The following PHACTR2 variants were observed in gnomAD, a reference collection of about 807,000 sequenced individuals.
PHACTR2 encodes chromosome 6 open reading frame 56.
PHACTR2 carries 30 observed loss-of-function variants against 76.0 expected under a neutral mutation model. That is an observed-to-expected ratio of 0.39 (90% CI 0.30 to 0.54). The LOEUF (loss-of-function observed/expected upper bound fraction) is 0.54. Ranked by LOEUF, PHACTR2 falls within the 20% of genes least tolerant of loss-of-function variation. The pLI is 0.61. For synonymous variants in PHACTR2, 292 were observed against 292.5 expected, an observed-to-expected ratio of 1.00 and a Z score of 0.02; for missense variants, 696 against 781.1, an observed-to-expected ratio of 0.89 and a Z score of 1.30.
intron 1 of PHACTR2, among the ~76,000 whole-genome samples, chr6:143,651,612 C>T (rs940899363): frequency 2.6e-5 from 4 of 152,126 alleles, no homozygotes; most frequent in African/African-American, 9.6e-5. Context: ...ACCGCATGTT[C>T]TCACTTATAA....
intron 1 of PHACTR2, among the ~76,000 whole-genome samples, chr6:143,565,996 G>T (rs757892726): frequency 1.1e-4 from 17 of 152,164 alleles, no homozygotes; most frequent in Admixed American, 3.3e-4. Context: ...GGAGGCTTGT[G>T]GGGGGTTATC....
rs1250009603 is a variant in PHACTR2 at position 143,680,242 on chromosome 6, C to G, written c.46+2033C>G. On this transcript the variant is annotated intron_variant, in intron 1 of 12. Coordinates refer to ENST00000440869, the MANE Select transcript of PHACTR2 (RefSeq NM_001100164.2). The surrounding 1 kb of genome is among the most constrained non-coding windows in gnomAD (Gnocchi z 4.5). ...TGAGACTGTCAAACTCTCTACTATT[C>G]CAGGTATTTTGTTCACTCCTTGTTA... 6.6e-6 allele frequency among the ~76,000 whole-genome samples: 1 copy of G among 152,000 alleles called. No homozygotes were observed. The highest frequency in any genetic ancestry group is 1.5e-5 in the Non-Finnish European group (1 of 67,958).
Position 143,800,789 on chromosome 6 carries a change from A to G in PHACTR2, c.1846-6268A>G, listed in dbSNP as rs1775935342. 6.6e-6 allele frequency among the ~76,000 whole-genome samples: 1 copy of G among 152,176 alleles called. No homozygotes were observed. The highest frequency in any genetic ancestry group is 1.5e-5 in the Non-Finnish European group (1 of 68,030). The stretch of plus-strand genomic sequence containing the variant: ...TTAGTTGATGCAGTTTCTTCCTAGC[A>G]TCAGTGGTCTTTACAATTTGGCATG... On this transcript the variant is annotated intron_variant, in intron 11 of 12. Transcript: ENST00000440869. This position sits in a 1 kb window ranked among gnomAD's most constrained non-coding sequence, Gnocchi z 4.8.
At chr6:143,573,368 C>T (rs1775469952) in intron 1 of PHACTR2, among the ~76,000 whole-genome samples, 1 of 152,180 alleles carries the variant, frequency 6.6e-6, no homozygotes, top group South Asian at 2.1e-4. Flanking sequence ...GAGACTTTCA[C>T]TAGGTCTTAT....
rs143391190 is a variant in PHACTR2 at position 143,669,276 on chromosome 6, A to T, written c.14-42740A>T. 2.9e-3 allele frequency among the ~76,000 whole-genome samples: 443 copies of T among 152,188 alleles called. 7 individuals are homozygous for T. The highest frequency in any genetic ancestry group is 0.01 in the African/African-American group (426 of 41,494). ...TTCTGTTCTTTTACATTTGCTGAGG[A>T]GTGTTTTACTTCCAATTATGTGGTC... On this transcript the variant is annotated intron_variant, in intron 1 of 11. Coordinates refer to the PHACTR2 transcript ENST00000305766.
rs1240478681 is a variant in PHACTR2, at chr6:143,757,355, G to A, written c.455-3046G>A. On this transcript the variant is annotated intron_variant, in intron 4 of 12. Coordinates refer to ENST00000440869, the MANE Select transcript of PHACTR2 (RefSeq NM_001100164.2). This position sits in a 1 kb window ranked among gnomAD's most constrained non-coding sequence, Gnocchi z 4.2. ...GGCCTGAGCACAGCAACCCAAGGGAGCTCACAGTGAGGGCCAACATTGGTT... is the reference window on the plus strand; with the variant it reads ...GGCCTGAGCACAGCAACCCAAGGGAACTCACAGTGAGGGCCAACATTGGTT... Among the ~76,000 whole-genome samples the A allele has an allele frequency of 1.3e-5, 2 of 152,208 alleles. No individual in the cohort carries two copies. Among genetic ancestry groups the A allele is most frequent in the East Asian group, 1.9e-4 (1 of 5,200 alleles).
At chr6:143,567,860 G>A (rs1270513272) in intron 1 of PHACTR2, among the ~76,000 whole-genome samples, 1 of 152,148 alleles carries the variant, frequency 6.6e-6, no homozygotes, top group Non-Finnish European at 1.5e-5. Context: ...CTGAGATTTG[G>A]GAGAGAAGAG....
In PHACTR2 at chr6:143,619,346, C is replaced by A. The variant is rs1250746140; in HGVS notation, c.13+11024C>A. ...ATGATTCCTCTACGCCCTGGTGAGA[C>A]CCATTATCGGTCTAAGAAACATATA... On this transcript the variant is annotated intron_variant, in intron 1 of 11. Transcript: ENST00000305766. This position sits in a 1 kb window ranked among gnomAD's most constrained non-coding sequence, Gnocchi z 4.5. Among the ~76,000 whole-genome samples the A allele has an allele frequency of 3.9e-5, 6 of 152,328 alleles. No homozygotes were observed. In the East Asian group the frequency reaches 1.2e-3, roughly 29 times the overall value.
At chr6:143,642,655 G>A (rs560070861) in intron 1 of PHACTR2, among the ~76,000 whole-genome samples, 1 of 152,274 alleles carries the variant, frequency 6.6e-6, no homozygotes, top group East Asian at 1.9e-4. Context: ...AGTATGACTG[G>A]TGTTCTTATA....
intron 6 of PHACTR2, among the ~76,000 whole-genome samples, chr6:143,769,299 A>C (rs1018039608): frequency 6.6e-6 from 1 of 152,202 alleles, no homozygotes; most frequent in Non-Finnish European, 1.5e-5. Context: ...TACTTTGTAC[A>C]GTTCATTTTC....
intron 2 of PHACTR2, among the ~76,000 whole-genome samples, chr6:143,746,568 A>C (rs1379708151): frequency 1.3e-5 from 2 of 152,154 alleles, no homozygotes; most frequent in African/African-American, 2.4e-5. Flanking sequence ...ATGGAGGCCA[A>C]GACAACTGTT....
At chr6:143,699,378 CA>C (rs1777848387) in intron 1 of PHACTR2, among the ~76,000 whole-genome samples, 1 of 152,166 alleles carries the variant, frequency 6.6e-6, no homozygotes, top group Non-Finnish European at 1.5e-5. Context: ...AAACAAACAG[CA>C]AACAAAACCT....
At position 143,689,109 on chromosome 6, in the gene PHACTR2, G is replaced by A. The variant is rs768395121; in HGVS notation, c.46+10900G>A. 1.1e-4 allele frequency among the ~76,000 whole-genome samples: 16 copies of A among 152,156 alleles called. No homozygotes were observed. In the South Asian group the frequency reaches 2.9e-3, roughly 28 times the overall value. On this transcript the variant is annotated intron_variant, in intron 1 of 12. Coordinates refer to ENST00000440869, the MANE Select transcript of PHACTR2 (RefSeq NM_001100164.2). The surrounding 1 kb of genome is among the most constrained non-coding windows in gnomAD (Gnocchi z 4.4). Reference sequence around the variant, plus strand: ...CCCTGTTTGAGACACTCTTCCCTTCGCTCTTCGCCAAGCTGACTCCTTGTT... The same window carrying A: ...CCCTGTTTGAGACACTCTTCCCTTCACTCTTCGCCAAGCTGACTCCTTGTT...
At chr6:143,577,008 A>G (rs1275703410) in intron 1 of PHACTR2, among the ~76,000 whole-genome samples, 1 of 151,992 alleles carries the variant, frequency 6.6e-6, no homozygotes, top group Non-Finnish European at 1.5e-5. Flanking sequence ...AAACTACTAT[A>G]TCAGATTATA....
In PHACTR2 at chr6:143,783,720, G is replaced by T. The variant is rs1430781196; in HGVS notation, c.1707+440G>T. On this transcript the variant is annotated intron_variant, in intron 10 of 12. Coordinates refer to ENST00000440869, the MANE Select transcript of PHACTR2 (RefSeq NM_001100164.2). This position sits in a 1 kb window ranked among gnomAD's most constrained non-coding sequence, Gnocchi z 5.2. ...GTGCTAATTTTGAATAATTAACAAG[G>T]GTTTTAAGTTGCATTTACTCCATGA... Among the ~76,000 whole-genome samples, 4 of 152,076 alleles carry T rather than the reference G, an allele frequency of 2.6e-5. No homozygotes were observed. Among genetic ancestry groups the T allele is most frequent in the African/African-American group, 9.7e-5 (4 of 41,400 alleles).
intron 12 of PHACTR2, among the ~76,000 whole-genome samples, chr6:143,817,407 T>G (rs1265273742): frequency 1.3e-5 from 2 of 152,126 alleles, no homozygotes; most frequent in Non-Finnish European, 2.9e-5. Context: ...CAATGCACTG[T>G]GTTGTCAGGG....
Position 143,708,272 on chromosome 6 carries a change from T to C in PHACTR2, c.47-3744T>C, listed in dbSNP as rs189043529. On this transcript the variant is annotated intron_variant, in intron 1 of 12. Coordinates refer to ENST00000440869, the MANE Select transcript of PHACTR2 (RefSeq NM_001100164.2). This position sits in a 1 kb window ranked among gnomAD's most constrained non-coding sequence, Gnocchi z 5.5. ...AATTGGTGTTGTGGGGAAATTCTGTTAGGGGTGGGCTTGTTTCAGTGGGAA... is the reference window on the plus strand; with the variant it reads ...AATTGGTGTTGTGGGGAAATTCTGTCAGGGGTGGGCTTGTTTCAGTGGGAA... Among the ~76,000 whole-genome samples the C allele has an allele frequency of 6.6e-6, 1 of 152,354 alleles. No homozygotes were observed. Among genetic ancestry groups the C allele is most frequent in the East Asian group, 1.9e-4 (1 of 5,188 alleles).
intron 1 of PHACTR2, among the ~76,000 whole-genome samples, chr6:143,693,875 C>G (rs1777707610): frequency 6.6e-6 from 1 of 152,080 alleles, no homozygotes; most frequent in South Asian, 2.1e-4. Context: ...TCATGACCAG[C>G]CTGGGCAATG....
chr6:143,567,424 A>T (rs1424135802), intron 1 of PHACTR2, among the ~76,000 whole-genome samples: 14 of 152,058 alleles, frequency 9.2e-5, no homozygotes, highest in Admixed American at 9.2e-4. Context: ...TTTGAGACAG[A>T]GTCTTGCTCT....
Sources: gnomAD v4.1 joint callset for allele counts (sites outside exome capture counted in the v4.1 genomes callset) on GRCh38, gnomAD v4.1.1 for gene constraint, Gnocchi (gnomAD v3.1) non-coding constraint, MANE v1.5 for transcripts, NCBI Gene and HGNC (gene_info 2026-07-23, HGNC 2026-07-21) for gene names.